The following MYO6 variants were observed in gnomAD, a reference collection of about 807,000 sequenced individuals.
MYO6 encodes the protein myosin VI, also known as unconventional myosin-VI.
Under a neutral mutation model 178.7 loss-of-function variants are expected in MYO6, and 74 were observed. That is an observed-to-expected ratio of 0.41 (90% CI 0.34 to 0.50). The LOEUF (loss-of-function observed/expected upper bound fraction) is 0.50. MYO6 is among the 20% of genes least tolerant of loss of function. The probability of loss-of-function intolerance (pLI) is 0.09; values close to 1 mark genes in which losing one functional copy is unlikely to be tolerated. For synonymous variants in MYO6, 477 were observed against 504.6 expected (o/e 0.95, Z 0.73); for missense variants, 1,330 against 1,547.4 (o/e 0.86, Z 2.36).
chr6:75,772,431 G>C (rs1351632337), intron 1 of MYO6, among the ~76,000 whole-genome samples: 2 of 152,038 alleles, frequency 1.3e-5, no homozygotes, highest in African/African-American at 4.8e-5. Context: ...AGTTCAATTA[G>C]AAAACTCTCC....
chr6:75,840,072 C>G (rs1252885081), intron 7 of MYO6, among the ~76,000 whole-genome samples: 1 of 151,558 alleles, frequency 6.6e-6, no homozygotes, highest in Admixed American at 6.6e-5. Context: ...ATTTTCCTAT[C>G]TCATGGACTT....
chr6:75,781,033 A>G (rs944383285), intron 1 of MYO6, among the ~76,000 whole-genome samples: 1 of 151,980 alleles, frequency 6.6e-6, no homozygotes, highest in Non-Finnish European at 1.5e-5. Context: ...GGTCGGTCTC[A>G]AACTCCTGAC....
At chr6:75,870,439 T>C (rs1189975629) in intron 18 of MYO6, among the ~76,000 whole-genome samples, 1 of 152,240 alleles carries the variant, frequency 6.6e-6, no homozygotes, top group Non-Finnish European at 1.5e-5. Context: ...AACTTCTGTG[T>C]AAGTTATTGT....
At chr6:75,857,871 C>A (rs76466682) in intron 13 of MYO6, among the ~76,000 whole-genome samples, 1 of 152,288 alleles carries the variant, frequency 6.6e-6, no homozygotes, top group East Asian at 1.9e-4. Context: ...AAATGTAAAT[C>A]TAATGGGTTT....
chr6:75,859,049 A>G (rs545303752), intron 14 of MYO6, 56 bp downstream of exon 14: 1 of 1,158,988 alleles, frequency 8.6e-7, no homozygotes, highest in Admixed American at 1.9e-5. Flanking sequence ...TTAAATTTTA[A>G]GGAAGAGATA....
At position 75,915,105 on chromosome 6, in the gene MYO6, G is replaced by A; in HGVS notation, c.*93G>A. On this transcript the variant is annotated 3_prime_UTR_variant, in exon 35 of 35. Transcript: ENST00000369977. ...ATTTAACCATTCCATAATCATGTTA[G>A]AGTTACTTCTATAAAGTGAACAGAT... is the stretch of plus-strand genomic sequence containing the variant. 1.7e-6 allele frequency: 2 copies of A among 1,191,872 alleles called. No homozygotes were observed. The highest frequency in any genetic ancestry group is 2.4e-6 in the Non-Finnish European group (2 of 826,290). The allele number at this position is 1,191,872 out of a possible 1,614,324, so 73.8% of individuals were successfully genotyped here. A position where few individuals can be genotyped will look rare whatever the true frequency, so the allele number is the denominator to read the frequency against.
chr6:75,848,586 A>C (rs927075123), intron 11 of MYO6, 55 bp downstream of exon 11: 3 of 1,556,794 alleles, frequency 1.9e-6, no homozygotes, highest in Non-Finnish European at 2.6e-6. Flanking sequence ...TCTGTTATTT[A>C]TTTGTCATAT....
chr6:75,908,789 G>A (rs111801856), intron 32 of MYO6, among the ~76,000 whole-genome samples, 162 bp downstream of exon 32: 258 of 152,112 alleles, frequency 1.7e-3, no homozygotes, highest in African/African-American at 6.0e-3. Flanking sequence ...CTTTTATAGC[G>A]TTATTTTTAT....
intron 2 of MYO6, among the ~76,000 whole-genome samples, chr6:75,821,496 A>G (rs1472476877): frequency 1.3e-5 from 2 of 152,152 alleles, no homozygotes; most frequent in Admixed American, 6.5e-5. Context: ...AACATTAACA[A>G]CATGTGTACT....
intron 2 of MYO6, among the ~76,000 whole-genome samples, chr6:75,819,718 C>T (rs1771686633): frequency 6.6e-6 from 1 of 152,216 alleles, no homozygotes; most frequent in Admixed American, 6.5e-5. Context: ...TTAGCACATG[C>T]TATGCATTTT....
In MYO6 at chr6:75,907,683, A is replaced by G. The variant is rs1322747363; in HGVS notation, c.3255A>G (p.Leu1085=). Residue 1085 remains leucine, a synonymous_variant, in exon 31 of 35, where the codon CTA becomes CTG. Transcript: ENST00000369977. ...TTAGTAAATGGAAATATGCAGAACT[A>G]CGTGATACCATCAATACTTCTTGTG... is the stretch of plus-strand genomic sequence containing the variant. ...YDLSKWKYAE[L]RDTINTSCDI... is the part of the protein sequence containing the mutation. 4.3e-5 allele frequency: 69 copies of G among 1,612,852 alleles called. No homozygotes were observed. Among genetic ancestry groups the G allele is most frequent in the Non-Finnish European group, 5.7e-5 (67 of 1,179,248 alleles).
intron 30 of MYO6, among the ~76,000 whole-genome samples, chr6:75,905,759 A>G (rs1359760720): frequency 6.6e-6 from 1 of 152,194 alleles, no homozygotes; most frequent in Non-Finnish European, 1.5e-5. Flanking sequence ...ATTATTCTTT[A>G]GCTAGTCTTA....
At chr6:75,797,646 G>T (rs1159699092) in intron 1 of MYO6, among the ~76,000 whole-genome samples, 1 of 151,974 alleles carries the variant, frequency 6.6e-6, no homozygotes, top group Non-Finnish European at 1.5e-5. Context: ...CCATTCTCCT[G>T]CCTTAGATAC....
chr6:75,836,248 C>G (rs1773631282), intron 7 of MYO6, among the ~76,000 whole-genome samples: 1 of 152,128 alleles, frequency 6.6e-6, no homozygotes, highest in Admixed American at 6.5e-5. Flanking sequence ...ACAGGAATGT[C>G]TTTAGCTTCC....
intron 1 of MYO6, among the ~76,000 whole-genome samples, chr6:75,757,330 T>C (rs1214258313): frequency 6.7e-6 from 1 of 148,748 alleles, no homozygotes; most frequent in African/African-American, 2.5e-5. Flanking sequence ...ATAGAACATA[T>C]ATACATATAC....
chr6:75,759,124 T>G (rs1214833886), intron 1 of MYO6, among the ~76,000 whole-genome samples: 1 of 151,438 alleles, frequency 6.6e-6, no homozygotes, highest in African/African-American at 2.4e-5. Flanking sequence ...CCCGCCTCAG[T>G]CTCCCAAAGT....
Position 75,857,291 on chromosome 6 carries a change from C to A in MYO6, c.1381+37C>A, listed in dbSNP as rs770928277. On this transcript the variant is annotated intron_variant, in intron 13 of 34. Coordinates refer to ENST00000369977, the MANE Select transcript of MYO6 (RefSeq NM_004999.4). The stretch of plus-strand genomic sequence containing the variant: ...TTCTTTTGTGAGTATATATTTGTTT[C>A]ATATTTTTTCACACATTAGAATTTG... 7 of 1,583,294 alleles carry A rather than the reference C, an allele frequency of 4.4e-6. No individual in the cohort carries two copies. In the Admixed American group the frequency reaches 1.2e-4, roughly 26 times the overall value.
intron 23 of MYO6, 31 bp downstream of exon 23, chr6:75,881,849 TTTCA>T (rs773189752): frequency 3.3e-5 from 53 of 1,611,028 alleles, no homozygotes; most frequent in Non-Finnish European, 4.4e-5. Flanking sequence ...CTATAGGATC[TTTCA>T]TTGTTTCAAG....
chr6:75,797,623 T>C (rs1321013329), intron 1 of MYO6, among the ~76,000 whole-genome samples: 3 of 152,140 alleles, frequency 2.0e-5, no homozygotes, highest in African/African-American at 7.2e-5. Flanking sequence ...AACCTCCACC[T>C]TCTGGGCTCA....
Sources: allele counts gnomAD v4.1 joint callset (sites outside exome capture counted in the v4.1 genomes callset), GRCh38; gene constraint gnomAD v4.1.1; transcripts MANE v1.5; gene names NCBI Gene and HGNC (gene_info 2026-07-23, HGNC 2026-07-21).